Variants in ZCCHC7 observed in about 807,000 individuals in gnomAD.
ZCCHC7 encodes the protein zinc finger CCHC-type containing 7.
A neutral mutation model predicts 52.0 loss-of-function variants in ZCCHC7; 35 were observed. The observed-to-expected ratio is 0.67, with a 90% CI of 0.51 to 0.89. ZCCHC7 has a LOEUF of 0.89. Among genes scored for constraint, ZCCHC7 ranks in the 40% least tolerant of loss-of-function variants. ZCCHC7 has a pLI of 0.00. For synonymous variants in ZCCHC7, 217 were observed against 221.5 expected (o/e 0.98, Z 0.18); for missense variants, 574 against 649.1 (o/e 0.88, Z 1.26).
intron 2 of ZCCHC7, among the ~76,000 whole-genome samples, chr9:37,247,931 A>G (rs933521974): frequency 6.6e-6 from 1 of 151,892 alleles, no homozygotes; most frequent in Admixed American, 6.6e-5. Context: ...TAATAATAAT[A>G]ATAATAATAA....
intron 3 of ZCCHC7, 120 bp downstream of exon 3, chr9:37,302,351 C>A: frequency 1.3e-6 from 1 of 789,868 alleles, no homozygotes; most frequent in South Asian, 1.8e-5. Flanking sequence ...TTGATTTTAG[C>A]ATATGAGTGA....
At chr9:37,342,646 A>G (rs1463259293) in intron 6 of ZCCHC7, among the ~76,000 whole-genome samples, 1 of 152,188 alleles carries the variant, frequency 6.6e-6, no homozygotes, top group East Asian at 1.9e-4. Flanking sequence ...CTGGGAAGCT[A>G]AGTGAAGAAT....
At chr9:37,222,935 T>C (rs1824901390) in intron 2 of ZCCHC7, among the ~76,000 whole-genome samples, 1 of 152,138 alleles carries the variant, frequency 6.6e-6, no homozygotes, top group South Asian at 2.1e-4. Flanking sequence ...TCACTACTAA[T>C]AAAAATCTAA....
At chr9:37,195,396 G>GT (rs968362760) in intron 2 of ZCCHC7, among the ~76,000 whole-genome samples, 6 of 152,136 alleles carry the variant, frequency 3.9e-5, no homozygotes, top group Admixed American at 1.3e-4. Flanking sequence ...ACAAAATAAA[G>GT]TTTTTTTTGT....
chr9:37,230,033 C>T (rs1825321155), intron 2 of ZCCHC7, among the ~76,000 whole-genome samples: 1 of 152,158 alleles, frequency 6.6e-6, no homozygotes, highest in Non-Finnish European at 1.5e-5. Context: ...TGTCTTCCAC[C>T]TCCAAATCTT....
intron 2 of ZCCHC7, among the ~76,000 whole-genome samples, chr9:37,164,313 T>C (rs1348890131): frequency 1.3e-5 from 2 of 152,034 alleles, no homozygotes; most frequent in African/African-American, 2.4e-5. Flanking sequence ...GGCATGATAC[T>C]GTGTGCCTGT....
intron 7 of ZCCHC7, among the ~76,000 whole-genome samples, chr9:37,353,593 T>G (rs1821521828): frequency 6.6e-6 from 1 of 152,186 alleles, no homozygotes; most frequent in Non-Finnish European, 1.5e-5. Context: ...CAGTAATACT[T>G]TATTCTTGGG....
intron 2 of ZCCHC7, among the ~76,000 whole-genome samples, chr9:37,265,703 T>C (rs1200498421): frequency 6.6e-6 from 1 of 152,244 alleles, no homozygotes; most frequent in Non-Finnish European, 1.5e-5. Context: ...CTGATCTTCC[T>C]AAAATAGAGG....
intron 2 of ZCCHC7, among the ~76,000 whole-genome samples, chr9:37,140,313 A>G (rs1021770619): frequency 2.6e-5 from 4 of 151,976 alleles, no homozygotes; most frequent in African/African-American, 9.7e-5. Flanking sequence ...ACTCCCATAT[A>G]ATTGAGTATT....
intron 7 of ZCCHC7, among the ~76,000 whole-genome samples, chr9:37,352,288 C>G (rs1227724133): frequency 6.6e-6 from 1 of 152,028 alleles, no homozygotes; most frequent in Non-Finnish European, 1.5e-5. Flanking sequence ...GAATGGATTC[C>G]TCATGTGAAA....
chr9:37,195,171 T>C (rs1255229862), intron 2 of ZCCHC7, among the ~76,000 whole-genome samples: 2 of 152,068 alleles, frequency 1.3e-5, no homozygotes, highest in Non-Finnish European at 2.9e-5. Context: ...GGTCTTGAAC[T>C]CCTGACCTCA....
chr9:37,304,599 G>GT (rs1335987849), intron 4 of ZCCHC7, among the ~76,000 whole-genome samples: 1 of 151,664 alleles, frequency 6.6e-6, no homozygotes, highest in African/African-American at 2.4e-5. Flanking sequence ...GGAGCTTGCG[G>GT]TAACAGAGAT....
intron 2 of ZCCHC7, among the ~76,000 whole-genome samples, chr9:37,208,854 C>G (rs1207344626): frequency 6.6e-6 from 1 of 152,178 alleles, no homozygotes; most frequent in East Asian, 1.9e-4. Context: ...TTGCACACAG[C>G]TCATTCATTT....
At chr9:37,247,433 A>G (rs781153100) in intron 2 of ZCCHC7, among the ~76,000 whole-genome samples, 32 of 152,200 alleles carry the variant, frequency 2.1e-4, no homozygotes, top group Non-Finnish European at 3.5e-4. Flanking sequence ...GTGTTCTTAG[A>G]CAGGAATTAC....
At chr9:37,176,263 C>T (rs1035751698) in intron 2 of ZCCHC7, among the ~76,000 whole-genome samples, 4 of 152,024 alleles carry the variant, frequency 2.6e-5, no homozygotes, top group South Asian at 2.1e-4. Flanking sequence ...TTAGTAGAGA[C>T]GGGGTTTCAC....
At chr9:37,125,445 C>A (rs897590534) in intron 1 of ZCCHC7, among the ~76,000 whole-genome samples, 1 of 152,246 alleles carries the variant, frequency 6.6e-6, no homozygotes, top group Non-Finnish European at 1.5e-5. Context: ...AGGCATGAGC[C>A]ACTGCCAGCT....
intron 3 of ZCCHC7, among the ~76,000 whole-genome samples, chr9:37,303,485 C>A (rs1003071808): frequency 6.6e-6 from 1 of 150,608 alleles, no homozygotes; most frequent in Non-Finnish European, 1.5e-5. Context: ...AATGCTACCG[C>A]GGTGTCTAAG....
chr9:37,281,310 C>T (rs1033070132), intron 2 of ZCCHC7, among the ~76,000 whole-genome samples: 1 of 152,232 alleles, frequency 6.6e-6, no homozygotes, highest in Non-Finnish European at 1.5e-5. Flanking sequence ...GCCACCACAC[C>T]TGCCCTCTAA....
chr9:37,235,080 T>C (rs1162429687), intron 2 of ZCCHC7, among the ~76,000 whole-genome samples: 1 of 152,254 alleles, frequency 6.6e-6, no homozygotes, highest in Non-Finnish European at 1.5e-5. Context: ...ATCATTTCTT[T>C]CTGGCAAGTA....
Sources: gnomAD v4.1 joint callset for allele counts (sites outside exome capture counted in the v4.1 genomes callset) on GRCh38, gnomAD v4.1.1 for gene constraint, MANE v1.5 for transcripts, NCBI Gene and HGNC (gene_info 2026-07-23, HGNC 2026-07-21) for gene names.